The following HOOK3 variants were observed in gnomAD, a reference collection of about 807,000 sequenced individuals.
HOOK3 encodes the protein hook microtubule tethering protein 3.
In HOOK3, 24 loss-of-function variants were observed where a neutral mutation model predicts 116.3. The observed-to-expected ratio is 0.21, with a 90% CI of 0.15 to 0.29. The LOEUF (loss-of-function observed/expected upper bound fraction) is 0.29. HOOK3 is among the 10% of genes least tolerant of loss of function. The probability of loss-of-function intolerance (pLI) is 1.00; values close to 1 mark genes in which losing one functional copy is unlikely to be tolerated. For missense variants in HOOK3, 632 were observed against 830.2 expected, an observed-to-expected ratio of 0.76 and a Z score of 2.93; for synonymous variants, 275 against 283.0, an observed-to-expected ratio of 0.97 and a Z score of 0.28.
Position 43,017,299 on chromosome 8 carries a change from G to T in HOOK3, c.2017-1059G>T, listed in dbSNP as rs140796486. Reference sequence around the variant, plus strand: ...GTTATCGTTTTTGAGCCAAGTTCTCGCACTGTTCCCATGCTACAGTGCGGT... The same window carrying T: ...GTTATCGTTTTTGAGCCAAGTTCTCTCACTGTTCCCATGCTACAGTGCGGT... On this transcript the variant is annotated intron_variant, in intron 21 of 21. Coordinates refer to ENST00000307602, the MANE Select transcript of HOOK3 (RefSeq NM_032410.4). 2.0e-3 allele frequency among the ~76,000 whole-genome samples: 305 copies of T among 152,186 alleles called. 1 individual carries two copies. Among genetic ancestry groups the T allele is most frequent in the Middle Eastern group, 0.01 (3 of 294 alleles).
intron 5 of HOOK3, among the ~76,000 whole-genome samples, chr8:42,945,840 G>A (rs964148450): frequency 3.9e-5 from 6 of 152,116 alleles, no homozygotes; most frequent in Admixed American, 3.9e-4. Flanking sequence ...GTATTTTTGT[G>A]TATACAGCAA....
chr8:42,933,492 C>T (rs1807909308), intron 4 of HOOK3, among the ~76,000 whole-genome samples: 2 of 152,300 alleles, frequency 1.3e-5, no homozygotes, highest in South Asian at 4.1e-4. Flanking sequence ...TAAGATTATT[C>T]ACTCTAGGAT....
At chr8:42,931,753 C>G (rs756864738) in intron 4 of HOOK3, among the ~76,000 whole-genome samples, 1 of 151,180 alleles carries the variant, frequency 6.6e-6, no homozygotes, top group East Asian at 2.0e-4. Flanking sequence ...CTTCCCTCTT[C>G]CCATCCCGTC....
At chr8:42,913,032 C>T (rs758192917) in intron 2 of HOOK3, among the ~76,000 whole-genome samples, 1 of 152,142 alleles carries the variant, frequency 6.6e-6, no homozygotes, top group Non-Finnish European at 1.5e-5. Flanking sequence ...ACTTCTTTAA[C>T]TTACAGTATG....
At chr8:42,913,558 A>C (rs140739438) in intron 2 of HOOK3, among the ~76,000 whole-genome samples, 7 of 152,372 alleles carry the variant, frequency 4.6e-5, no homozygotes, top group African/African-American at 1.7e-4. Context: ...GCTGTTACAG[A>C]TAAAGGTGCT....
At chr8:42,918,106 G>A (rs1193675833) in intron 2 of HOOK3, among the ~76,000 whole-genome samples, 1 of 152,170 alleles carries the variant, frequency 6.6e-6, no homozygotes, top group African/African-American at 2.4e-5. Context: ...ATTGGGCCGA[G>A]GCAGGCAAAT....
chr8:43,015,862 C>T (rs1237048688), intron 21 of HOOK3, among the ~76,000 whole-genome samples: 15 of 151,844 alleles, frequency 9.9e-5, no homozygotes, highest in African/African-American at 3.4e-4. Flanking sequence ...GGGTTACAGG[C>T]GCCCGCCACC....
In HOOK3 at chr8:43,030,105, A is replaced by G. The variant is rs369709047; in HGVS notation, c.*11607A>G. On this transcript the variant is annotated 3_prime_UTR_variant, in exon 22 of 22. Coordinates refer to ENST00000307602, the MANE Select transcript of HOOK3 (RefSeq NM_032410.4). ...TACAGATTTAGCAGTGTTGTACATA[A>G]TGATGTCCAAGCATTTTTCCACCTG... 51 of 208,872 alleles carry G rather than the reference A, an allele frequency of 2.4e-4. No individual in the cohort carries two copies. In the East Asian group the frequency reaches 3.6e-3, roughly 15 times the overall value. 12.9% of individuals were successfully genotyped at this position (208,872 alleles called of 1,614,324 possible).
chr8:43,001,504 T>G (rs1480224415), intron 16 of HOOK3, among the ~76,000 whole-genome samples: 1 of 152,104 alleles, frequency 6.6e-6, no homozygotes, highest in Admixed American at 6.6e-5. Context: ...AATGTCTTTA[T>G]TGTTTATTTT....
At chr8:42,907,214 C>G (rs542384718) in intron 2 of HOOK3, among the ~76,000 whole-genome samples, 1 of 152,310 alleles carries the variant, frequency 6.6e-6, no homozygotes, top group Admixed American at 6.5e-5. Context: ...GGTTGCCCTG[C>G]ATTTCTGTTG....
intron 1 of HOOK3, among the ~76,000 whole-genome samples, chr8:42,901,309 G>T (rs1343855819): frequency 6.6e-6 from 1 of 152,192 alleles, no homozygotes. Context: ...ATGCAGTTAA[G>T]TGCAATTGTC....
chr8:42,959,357 C>T (rs749446294), intron 8 of HOOK3, 43 bp downstream of exon 8: 9 of 1,197,060 alleles, frequency 7.5e-6, no homozygotes, highest in Non-Finnish European at 1.1e-5. Flanking sequence ...AAACATACCA[C>T]TGTAAATACC....
chr8:42,974,756 C>T (rs555125237), intron 13 of HOOK3, among the ~76,000 whole-genome samples: 8 of 152,158 alleles, frequency 5.3e-5, no homozygotes, highest in Non-Finnish European at 1.0e-4. Context: ...AAGATGAATG[C>T]GCAAAAAGGG....
intron 2 of HOOK3, among the ~76,000 whole-genome samples, chr8:42,916,782 C>A (rs1050870806): frequency 6.6e-6 from 1 of 152,190 alleles, no homozygotes; most frequent in African/African-American, 2.4e-5. Context: ...TCCCCACCCC[C>A]CTTTTCTGAA....
At position 42,964,333 on chromosome 8, in the gene HOOK3, A is replaced by G; in HGVS notation, c.638A>G (p.Lys213Arg). The G allele has an allele frequency of 6.2e-7, 1 of 1,614,164 alleles. No individual in the cohort carries two copies. Among genetic ancestry groups the G allele is most frequent in the Non-Finnish European group, 8.5e-7 (1 of 1,180,018 alleles). Residue 213 changes from lysine to arginine, a missense_variant, in exon 9 of 22, where the codon AAA becomes AGA. Lys to Arg is a conservative substitution (Grantham distance 26). Coordinates refer to ENST00000307602, the MANE Select transcript of HOOK3 (RefSeq NM_032410.4). ...CAGGTTGCAGCATTGCAGGAAGAGA[A>G]AAGTAGTTTGTTGGCAGAGAATCAG... is the stretch of plus-strand genomic sequence containing the variant. ...DMQVAALQEE[K>R]SSLLAENQVL... is the part of the protein sequence containing the mutation.
In HOOK3 at chr8:42,920,790, G is replaced by C. The variant is rs543420893; in HGVS notation, c.144-4767G>C. The stretch of plus-strand genomic sequence containing the variant: ...GGAAAATTACTTAATTTCTGAGTCT[G>C]ATGTTCCTTAACTATAACATAAGGA... On this transcript the variant is annotated intron_variant, in intron 2 of 21. Transcript: ENST00000307602. Among the ~76,000 whole-genome samples, 15 of 152,332 alleles carry C rather than the reference G, an allele frequency of 9.8e-5. No homozygotes were observed. The South Asian group carries it at 2.9e-3, about 29-fold the overall frequency.
At position 42,897,060 on chromosome 8, in the gene HOOK3, C is replaced by A; in HGVS notation, c.-72C>A. ...CTGAGGCCGAGTCAGCTGCGCGGGCCCCCGGATCCCCCGACAGAGCGGCGG... is the reference window on the plus strand; with the variant it reads ...CTGAGGCCGAGTCAGCTGCGCGGGCACCCGGATCCCCCGACAGAGCGGCGG... On this transcript the variant is annotated 5_prime_UTR_variant, in exon 1 of 22. Transcript: ENST00000307602. 8.7e-7 allele frequency: 1 copy of A among 1,153,480 alleles called. No individual in the cohort carries two copies. The highest frequency in any genetic ancestry group is 1.1e-6 in the Non-Finnish European group (1 of 911,588). 71.5% of individuals were successfully genotyped at this position (1,153,480 alleles called of 1,614,324 possible). A position where few individuals can be genotyped will look rare whatever the true frequency, so the allele number is the denominator to read the frequency against.
intron 4 of HOOK3, among the ~76,000 whole-genome samples, chr8:42,937,015 G>A (rs1231515909): frequency 6.6e-6 from 1 of 152,090 alleles, no homozygotes; most frequent in African/African-American, 2.4e-5. Context: ...GAATCCATCT[G>A]GTCCTGGGCT....
chr8:43,002,553 A>G (rs1466920110), intron 17 of HOOK3, among the ~76,000 whole-genome samples: 2 of 152,250 alleles, frequency 1.3e-5, no homozygotes, highest in African/African-American at 4.8e-5. Context: ...GGTTGTGACC[A>G]TGTTGTAGTA....
Sources: allele counts gnomAD v4.1 joint callset (sites outside exome capture counted in the v4.1 genomes callset), GRCh38; gene constraint gnomAD v4.1.1; transcripts MANE v1.5; gene names NCBI Gene and HGNC (gene_info 2026-07-23, HGNC 2026-07-21).